The following TRAF2 variants were observed in gnomAD, a reference collection of about 807,000 sequenced individuals.
The protein encoded by TRAF2 is TNF receptor-associated factor 2.
In TRAF2, 6 loss-of-function variants were observed where a neutral mutation model predicts 55.6. The observed-to-expected ratio is 0.11, with a 90% CI of 0.06 to 0.21. The LOEUF is 0.21. TRAF2 is among the 10% of genes least tolerant of loss of function. The pLI is 1.00. For missense variants in TRAF2, 561 were observed against 684.5 expected (o/e 0.82, Z 2.01); for synonymous variants, 329 against 276.3 (o/e 1.19, Z -1.89).
intron 4 of TRAF2, among the ~76,000 whole-genome samples, chr9:136,902,903 C>T (rs965142730): frequency 6.6e-6 from 1 of 152,156 alleles, no homozygotes; most frequent in African/African-American, 2.4e-5. Flanking sequence ...AGGGGAAAAT[C>T]CTGCTTAGCT....
chr9:136,883,001 G>C (rs1212565855), upstream of TRAF2, among the ~76,000 whole-genome samples: 1 of 151,984 alleles, frequency 6.6e-6, no homozygotes, highest in Non-Finnish European at 1.5e-5. Flanking sequence ...CTCCTGAGTA[G>C]TTGGGATTAC....
intron 6 of TRAF2, among the ~76,000 whole-genome samples, chr9:136,911,971 T>G (rs1850120952): frequency 6.9e-6 from 1 of 145,602 alleles, no homozygotes; most frequent in South Asian, 2.3e-4. Flanking sequence ...TGCCTCAGCC[T>G]CCCGAGTAGC....
At chr9:136,901,701 C>T (rs1299879395) in intron 4 of TRAF2, among the ~76,000 whole-genome samples, 1 of 152,206 alleles carries the variant, frequency 6.6e-6, no homozygotes, top group African/African-American at 2.4e-5. Context: ...GCTGTTTGCT[C>T]AGAATCCTGG....
At chr9:136,903,026 G>A (rs1419863181) in intron 4 of TRAF2, among the ~76,000 whole-genome samples, 2 of 151,984 alleles carry the variant, frequency 1.3e-5, no homozygotes, top group African/African-American at 4.8e-5. Flanking sequence ...GAGTGCAGTG[G>A]CGTGACCTCG....
In TRAF2 at chr9:136,921,159, TCGCCAGGAAG is replaced by T. The variant is rs745388450; in HGVS notation, c.1094_1103del (p.Arg365LeufsTer29). The T allele has an allele frequency of 6.2e-6, 10 of 1,613,882 alleles. No individual in the cohort carries two copies. The highest frequency in any genetic ancestry group is 1.3e-5 in the African/African-American group (1 of 74,898). On this transcript the variant is annotated frameshift_variant, in exon 9 of 11. Coordinates refer to ENST00000247668, the MANE Select transcript of TRAF2 (RefSeq NM_021138.4). LOFTEE classifies it high-confidence loss of function. ...GTCTTCATCTGGAAGATCTCAGACTTCGCCAGGAAGCGCCAGGAAGCTGTGGCTGGCCGCA... is the reference window on the plus strand; with the variant it reads ...GTCTTCATCTGGAAGATCTCAGACTTCGCCAGGAAGCTGTGGCTGGCCGCA...
chr9:136,900,612 T>G, intron 4 of TRAF2, 92 bp downstream of exon 4: 2 of 991,890 alleles, frequency 2.0e-6, no homozygotes, highest in Non-Finnish European at 3.2e-6. Flanking sequence ...GTCCTGCACG[T>G]TCCTCTCACT....
chr9:136,925,886 C>A lies in TRAF2; in HGVS notation c.1491C>A (p.Asp497Glu). 1 of 1,614,182 alleles carries A rather than the reference C, an allele frequency of 6.2e-7. No homozygotes were observed. Among genetic ancestry groups the A allele is most frequent in the Non-Finnish European group, 8.5e-7 (1 of 1,180,040 alleles). The stretch of plus-strand genomic sequence containing the variant: ...CCATCTTCATCAAGGCCATTGTGGA[C>A]CTGACAGGGCTCTAACTGCCCCCTA... ...DDAIFIKAIV[D>E]LTGL Residue 497 changes from aspartate (D) to glutamate (E), a missense_variant, in exon 11 of 11, where the codon GAC (aspartate) becomes GAA (glutamate). By Grantham distance (45) the Asp-to-Glu change is conservative (BLOSUM62 2). Transcript: ENST00000247668.
At chr9:136,923,178 G>A (rs1588446308) in intron 9 of TRAF2, among the ~76,000 whole-genome samples, 3 of 152,146 alleles carry the variant, frequency 2.0e-5, no homozygotes, top group Admixed American at 6.5e-5. Context: ...AGGCAGGCTT[G>A]GGGCCCAACC....
chr9:136,925,315 T>C (rs1353970153), intron 10 of TRAF2, among the ~76,000 whole-genome samples: 2 of 152,242 alleles, frequency 1.3e-5, no homozygotes, highest in African/African-American at 4.8e-5. Context: ...CAGTGGGTGC[T>C]TCATGATCTC....
chr9:136,918,098 C>G (rs1237074807), intron 7 of TRAF2, among the ~76,000 whole-genome samples: 1 of 151,760 alleles, frequency 6.6e-6, no homozygotes, highest in Non-Finnish European at 1.5e-5. Flanking sequence ...TGAGAAAATG[C>G]AGGGCGAGCT....
At chr9:136,921,587 T>C (rs1850386689) in intron 9 of TRAF2, among the ~76,000 whole-genome samples, 2 of 149,704 alleles carry the variant, frequency 1.3e-5, no homozygotes, top group Admixed American at 6.6e-5. Context: ...TGGGGGTGGC[T>C]GTGGGGGTGG....
rs1312840077 is a variant in TRAF2 at position 136,918,255 on chromosome 9, A to ATATT, written c.678+1647_678+1650dup. Among the ~76,000 whole-genome samples, 136 of 23,348 alleles carry ATATT rather than the reference A, an allele frequency of 5.8e-3. 1 individual carries two copies. Among genetic ancestry groups the ATATT allele is most frequent in the African/African-American group, 0.013 (61 of 4,784 alleles). 15.3% of individuals were successfully genotyped at this position (23,348 alleles called of 152,430 possible). On this transcript the variant is annotated intron_variant, in intron 7 of 10. Transcript: ENST00000247668. ...TATATATATATATATATATATATAT[A>ATATT]TATTTATTTAATTAATTAATTTATT...
chr9:136,889,864 T>G (rs1465388432), intron 1 of TRAF2: 1 of 152,026 alleles, frequency 6.6e-6, no homozygotes, highest in Non-Finnish European at 1.5e-5. Context: ...TTTGTGACAG[T>G]CATCCCCGCA....
chr9:136,926,318 G>T lies in TRAF2; in HGVS notation c.*417G>T, dbSNP rs961976386. 2 of 353,088 alleles carry T rather than the reference G, an allele frequency of 5.7e-6. No homozygotes were observed. The highest frequency in any genetic ancestry group is 1.1e-5 in the Non-Finnish European group (2 of 178,766). 21.9% of individuals were successfully genotyped at this position (353,088 alleles called of 1,614,324 possible). On this transcript the variant is annotated 3_prime_UTR_variant, in exon 11 of 11. Transcript: ENST00000247668. ...CTCGGGCATGACAGGCAGAAACGAG[G>T]GCTGCTCCAGGAGAAGGGCCTCCTG...
chr9:136,907,329 C>T (rs1181954579), intron 4 of TRAF2, among the ~76,000 whole-genome samples: 1 of 152,264 alleles, frequency 6.6e-6, no homozygotes, highest in Non-Finnish European at 1.5e-5. Context: ...TGGTCACTAC[C>T]AGGTTGTCAG....
chr9:136,899,452 A>C, intron 2 of TRAF2, 142 bp from the exon 3 acceptor site: 1 of 651,738 alleles, frequency 1.5e-6, no homozygotes, highest in Non-Finnish European at 2.6e-6. Context: ...TGTCCTGTTA[A>C]CATTTGCCTG....
chr9:136,919,699 A>C, intron 7 of TRAF2, among the ~76,000 whole-genome samples: 1 of 35,602 alleles, frequency 2.8e-5, no homozygotes. Context: ...TCATCCCTTC[A>C]TCTCGTCCTG....
At chr9:136,902,221 A>G (rs887834956) in intron 4 of TRAF2, 1 of 152,296 alleles carries the variant, frequency 6.6e-6, no homozygotes. Context: ...CTGCTCCTTG[A>G]AAGAGATGCA....
At chr9:136,919,295 C>T (rs79772985) in intron 7 of TRAF2, among the ~76,000 whole-genome samples, 16 of 90,208 alleles carry the variant, frequency 1.8e-4, no homozygotes, top group South Asian at 4.7e-4. Flanking sequence ...TTGTGGGTGG[C>T]TTTTTTTTTT....
Sources: allele counts gnomAD v4.1 joint callset (sites outside exome capture counted in the v4.1 genomes callset), GRCh38; gene constraint gnomAD v4.1.1; transcripts MANE v1.5; gene names NCBI Gene and HGNC (gene_info 2026-07-23, HGNC 2026-07-21).